Variants in GPATCH2L observed in about 807,000 individuals in gnomAD.
The protein encoded by GPATCH2L is G-patch domain containing 2 like.
Under a neutral mutation model 57.4 loss-of-function variants are expected in GPATCH2L, and 31 were observed. The ratio of observed to expected loss-of-function variants is 0.54; its 90% confidence interval spans 0.41 to 0.73. The LOEUF (loss-of-function observed/expected upper bound fraction) is 0.73, where lower values mean the gene tolerates loss of function less well. Among genes scored for constraint, GPATCH2L ranks in the 30% least tolerant of loss-of-function variants. GPATCH2L has a pLI of 0.00. For missense variants in GPATCH2L, 481 were observed against 599.9 expected (o/e 0.80, Z 2.07); for synonymous variants, 199 against 210.7 (o/e 0.94, Z 0.48).
chr14:76,222,737 A>C (rs2040520577), intron 1 of GPATCH2L, among the ~76,000 whole-genome samples: 1 of 152,076 alleles, frequency 6.6e-6, no homozygotes, highest in South Asian at 2.1e-4. Context: ...CAGGTGGATC[A>C]CTTAAGGTCA....
intron 2 of GPATCH2L, among the ~76,000 whole-genome samples, chr14:76,164,183 T>A (rs969652513): frequency 6.6e-6 from 1 of 152,174 alleles, no homozygotes; most frequent in Non-Finnish European, 1.5e-5. Context: ...CAGGCTCCTC[T>A]CTTCTCAAGT....
intron 1 of GPATCH2L, among the ~76,000 whole-genome samples, chr14:76,229,608 CGTAA>C (rs931815598): frequency 2.7e-4 from 41 of 152,110 alleles, no homozygotes; most frequent in Non-Finnish European, 5.9e-5. Context: ...ATGGGCCCTG[CGTAA>C]GTGTCAATAA....
downstream of GPATCH2L, among the ~76,000 whole-genome samples, chr14:76,215,916 AAAAAT>A (rs371774477): frequency 0.021 from 3,189 of 151,774 alleles, 69 homozygotes; most frequent in South Asian, 0.069. Flanking sequence ...GTATAATTAA[AAAAAT>A]AAAATAAAAA....
chr14:76,156,213 T>A (rs1487301081), intron 2 of GPATCH2L, among the ~76,000 whole-genome samples: 1 of 152,236 alleles, frequency 6.6e-6, no homozygotes, highest in African/African-American at 2.4e-5. Flanking sequence ...CCCTTTGAGT[T>A]GTTCTGTCTC....
At chr14:76,160,659 T>G (rs545534073) in intron 2 of GPATCH2L, among the ~76,000 whole-genome samples, 1 of 152,372 alleles carries the variant, frequency 6.6e-6, no homozygotes, top group Non-Finnish European at 1.5e-5. Flanking sequence ...TTTTCTTTTT[T>G]TCACATATGC....
intron 2 of GPATCH2L, among the ~76,000 whole-genome samples, chr14:76,161,605 T>C (rs1396867604): frequency 1.3e-5 from 2 of 152,226 alleles, no homozygotes; most frequent in African/African-American, 2.4e-5. Context: ...CTGCTCCCCC[T>C]GGCAATTTTG....
intron 5 of GPATCH2L, 111 bp from the exon 6 acceptor site, chr14:76,176,512 T>G: frequency 1.4e-6 from 1 of 732,750 alleles, no homozygotes; most frequent in South Asian, 1.5e-5. Context: ...ACTTTTAACA[T>G]GTGCCTTTTG....
chr14:76,184,927 T>C lies in GPATCH2L; in HGVS notation c.1193+4078T>C, dbSNP rs183032661. Among the ~76,000 whole-genome samples, 22 of 152,228 alleles carry C rather than the reference T, an allele frequency of 1.4e-4. No individual in the cohort carries two copies. In the East Asian group the frequency reaches 2.3e-3, roughly 16 times the overall value. ...GAACTGTTGTCCTAAATGCATATGG[T>C]TTTGTGACTGGTGCTTTGTAATTTG... is the stretch of plus-strand genomic sequence containing the variant. On this transcript the variant is annotated intron_variant, in intron 8 of 9. Transcript: ENST00000261530.
rs991944019 is a variant in GPATCH2L, at chr14:76,208,418, T to C, written c.*6567T>C. On this transcript the variant is annotated 3_prime_UTR_variant, in exon 10 of 10. Transcript: ENST00000261530. ...GTAACGATTTGAATTGCTCTCAGTATTGATGTCAAACTCCCTCCTGTTGTC... is the reference window on the plus strand; with the variant it reads ...GTAACGATTTGAATTGCTCTCAGTACTGATGTCAAACTCCCTCCTGTTGTC... 2 of 152,208 alleles carry C rather than the reference T, an allele frequency of 1.3e-5. No individual in the cohort carries two copies. Among genetic ancestry groups the C allele is most frequent in the Admixed American group, 1.3e-4 (2 of 15,264 alleles). 9.4% of individuals were successfully genotyped at this position (152,208 alleles called of 1,614,324 possible). A position where few individuals can be genotyped will look rare whatever the true frequency, so the allele number is the denominator to read the frequency against.
At chr14:76,182,702 C>T (rs1163836698) in intron 8 of GPATCH2L, among the ~76,000 whole-genome samples, 3 of 152,008 alleles carry the variant, frequency 2.0e-5, no homozygotes, top group Admixed American at 6.5e-5. Flanking sequence ...ATTCATTCAG[C>T]GTTTGCTGGA....
At chr14:76,166,424 A>C (rs1350479630) in intron 2 of GPATCH2L, among the ~76,000 whole-genome samples, 1 of 152,240 alleles carries the variant, frequency 6.6e-6, no homozygotes, top group Non-Finnish European at 1.5e-5. Flanking sequence ...TAAACTAACA[A>C]AGTGACTTTA....
intron 1 of GPATCH2L, among the ~76,000 whole-genome samples, chr14:76,222,212 A>G (rs905139010): frequency 6.6e-6 from 1 of 152,202 alleles, no homozygotes; most frequent in African/African-American, 2.4e-5. Flanking sequence ...AAAACCCCAA[A>G]CCTTCATATT....
At chr14:76,222,905 G>A (rs1333990143) in intron 1 of GPATCH2L, among the ~76,000 whole-genome samples, 4 of 149,632 alleles carry the variant, frequency 2.7e-5, no homozygotes, top group Admixed American at 6.7e-5. Flanking sequence ...GCAGTGAGCC[G>A]AGATCGCACC....
At chr14:76,221,080 C>T (rs2040512795) in intron 1 of GPATCH2L, among the ~76,000 whole-genome samples, 1 of 150,500 alleles carries the variant, frequency 6.6e-6, no homozygotes, top group Non-Finnish European at 1.5e-5. Flanking sequence ...AACATAAGCC[C>T]CAGGCTGGGA....
chr14:76,160,039 C>T (rs1283330452), intron 2 of GPATCH2L, among the ~76,000 whole-genome samples: 1 of 152,046 alleles, frequency 6.6e-6, no homozygotes, highest in African/African-American at 2.4e-5. Flanking sequence ...GAGGCTGAGG[C>T]GGGAGAATGG....
chr14:76,166,731 A>AT lies in GPATCH2L; in HGVS notation c.727+5dup, dbSNP rs1348642594. 6.3e-7 allele frequency: 1 copy of AT among 1,588,088 alleles called. No individual in the cohort carries two copies. The highest frequency in any genetic ancestry group is 8.6e-7 in the Non-Finnish European group (1 of 1,156,540). On this transcript the variant is annotated splice_donor_region_variant and intron_variant, in intron 3 of 9. Coordinates refer to ENST00000261530, the MANE Select transcript of GPATCH2L (RefSeq NM_017926.4). ...ACCAATGATGAAGGGCGACAAGGTA[A>AT]TGTCGATCCCAGCTTTGGGACCTTG...
intron 8 of GPATCH2L, among the ~76,000 whole-genome samples, chr14:76,193,301 A>T (rs1005009792): frequency 5.3e-5 from 8 of 152,116 alleles, no homozygotes; most frequent in African/African-American, 9.7e-5. Flanking sequence ...AAGAGTTGAT[A>T]ATATGGGCCT....
At chr14:76,225,465 A>AT (rs2040533359) in intron 1 of GPATCH2L, among the ~76,000 whole-genome samples, 1 of 152,210 alleles carries the variant, frequency 6.6e-6, no homozygotes, top group African/African-American at 2.4e-5. Flanking sequence ...GTCCATATAG[A>AT]TTGCATAATA....
At chr14:76,159,771 A>G (rs2038486796) in intron 2 of GPATCH2L, among the ~76,000 whole-genome samples, 1 of 152,116 alleles carries the variant, frequency 6.6e-6, no homozygotes, top group Admixed American at 6.5e-5. Context: ...AAACACAAAT[A>G]CACACAGAAA....
Sources: gnomAD v4.1 joint callset for allele counts (sites outside exome capture counted in the v4.1 genomes callset) on GRCh38, gnomAD v4.1.1 for gene constraint, MANE v1.5 for transcripts, NCBI Gene and HGNC (gene_info 2026-07-23, HGNC 2026-07-21) for gene names.